Variants in LARGE1 observed in about 807,000 individuals in gnomAD.
The protein encoded by LARGE1 is LARGE xylosyl- and glucuronyltransferase 1.
In LARGE1, 43 loss-of-function variants were observed where a neutral mutation model predicts 87.6. That is an observed-to-expected ratio of 0.49 (90% CI 0.38 to 0.63). The LOEUF is 0.63. LARGE1 is among the 30% of genes least tolerant of loss of function. The pLI is 0.00. For missense variants in LARGE1, 802 were observed against 1,000.2 expected (o/e 0.80, Z 2.67); for synonymous variants, 434 against 394.6 (o/e 1.10, Z -1.18).
At chr22:33,772,556 G>A (rs2085103404) in intron 1 of LARGE1, among the ~76,000 whole-genome samples, 2 of 151,866 alleles carry the variant, frequency 1.3e-5, no homozygotes, top group Admixed American at 6.6e-5. Context: ...CTCTTTGCTG[G>A]ACTGCATCCT....
At chr22:33,079,569 G>C in the LARGE1 span, among the ~76,000 whole-genome samples, 1 of 151,874 alleles carries the variant, frequency 6.6e-6, no homozygotes, top group Non-Finnish European at 1.5e-5. Flanking sequence ...TATTATTTTT[G>C]ATGCCTATTA....
At chr22:33,335,877 A>G (rs80333150) in intron 10 of LARGE1, among the ~76,000 whole-genome samples, 2,296 of 152,302 alleles carry the variant, frequency 0.015, 58 homozygotes, top group African/African-American at 0.052. Context: ...ATATATTGCT[A>G]TGTAGCAGTT....
chr22:33,138,719 C>CA, the LARGE1 span, among the ~76,000 whole-genome samples: 1 of 152,282 alleles, frequency 6.6e-6, no homozygotes. Context: ...GCTGGGATTG[C>CA]AGGCACGAGC....
chr22:33,617,509 G>T (rs2079614803), intron 4 of LARGE1, among the ~76,000 whole-genome samples: 1 of 152,188 alleles, frequency 6.6e-6, no homozygotes, highest in South Asian at 2.1e-4. Context: ...CTCAATATAT[G>T]ATTCAAGGCT....
the LARGE1 span, among the ~76,000 whole-genome samples, chr22:33,151,661 G>C: frequency 6.6e-6 from 1 of 152,144 alleles, no homozygotes; most frequent in Non-Finnish European, 1.5e-5. Context: ...AGCAGGAGCT[G>C]AATTTTTTTG....
chr22:33,083,620 A>G, the LARGE1 span, among the ~76,000 whole-genome samples: 2 of 152,220 alleles, frequency 1.3e-5, no homozygotes, highest in Admixed American at 6.5e-5. Context: ...TATATCAGAT[A>G]GTGATCAGTG....
the LARGE1 span, among the ~76,000 whole-genome samples, chr22:33,104,812 C>G: frequency 8.0e-4 from 122 of 152,270 alleles, no homozygotes; most frequent in Middle Eastern, 0.01. Flanking sequence ...CCTACAGTTC[C>G]CAGTCTCAAA....
At chr22:33,525,021 G>C (rs2071811733) in intron 6 of LARGE1, among the ~76,000 whole-genome samples, 1 of 152,176 alleles carries the variant, frequency 6.6e-6, no homozygotes, top group South Asian at 2.1e-4. Flanking sequence ...AGGTCTTCTG[G>C]TTTAGGAAGG....
rs1038255460 is a variant in LARGE1 at position 33,289,368 on chromosome 22, G to C, written c.1731-6020C>G. Among the ~76,000 whole-genome samples the C allele has an allele frequency of 3.9e-5, 6 of 152,176 alleles. 1 individual carries two copies. Among genetic ancestry groups the C allele is most frequent in the African/African-American group, 1.4e-4 (6 of 41,450 alleles). ...CCAGACAGCAGCAGCTTCCAAACCT[G>C]ACTGCTCCTCTCTCTCCTGACTTCA... is the stretch of plus-strand genomic sequence containing the variant. On this transcript the variant is annotated intron_variant, in intron 12 of 14. Transcript: ENST00000397394.
intron 11 of LARGE1, among the ~76,000 whole-genome samples, chr22:33,206,776 A>G (rs1924709974): frequency 6.6e-6 from 1 of 152,224 alleles, no homozygotes; most frequent in Non-Finnish European, 1.5e-5. Context: ...TTTTTGAACA[A>G]TCATGTACTT....
At chr22:33,249,462 T>C (rs1926917043) in intron 11 of LARGE1, among the ~76,000 whole-genome samples, 1 of 152,236 alleles carries the variant, frequency 6.6e-6, no homozygotes, top group Non-Finnish European at 1.5e-5. Flanking sequence ...ATGTGTCTTT[T>C]GCAAATGTAT....
At chr22:33,882,801 C>G (rs974396760) in intron 1 of LARGE1, among the ~76,000 whole-genome samples, 2 of 152,136 alleles carry the variant, frequency 1.3e-5, no homozygotes, top group Non-Finnish European at 2.9e-5. Context: ...TGCCATTCTC[C>G]TACCTTTGCT....
chr22:33,769,669 A>G (rs1351889734), intron 1 of LARGE1, among the ~76,000 whole-genome samples: 2 of 152,058 alleles, frequency 1.3e-5, no homozygotes, highest in African/African-American at 4.8e-5. Flanking sequence ...TTTATGTTCA[A>G]CCTCCTTCCT....
At chr22:33,167,802 C>T (rs1198083565) in intron 11 of LARGE1, among the ~76,000 whole-genome samples, 1 of 152,168 alleles carries the variant, frequency 6.6e-6, no homozygotes, top group Non-Finnish European at 1.5e-5. Flanking sequence ...AGTACAGCAA[C>T]CTACAAGAAG....
At chr22:33,651,522 C>G (rs1053403837) in intron 2 of LARGE1, among the ~76,000 whole-genome samples, 4 of 152,088 alleles carry the variant, frequency 2.6e-5, no homozygotes, top group Non-Finnish European at 5.9e-5. Context: ...AACCTTCTTC[C>G]ATTTGCAGGC....
chr22:33,596,055 G>T (rs565068147), intron 5 of LARGE1, among the ~76,000 whole-genome samples: 1 of 152,304 alleles, frequency 6.6e-6, no homozygotes, highest in African/African-American at 2.4e-5. Flanking sequence ...ATGACCATTT[G>T]TATAGAATAT....
intron 2 of LARGE1, among the ~76,000 whole-genome samples, chr22:33,740,902 C>G (rs2083857756): frequency 6.6e-6 from 1 of 152,224 alleles, no homozygotes; most frequent in Non-Finnish European, 1.5e-5. Context: ...TCCCGACTCT[C>G]CAAATCCCAC....
At chr22:33,818,427 GGGAA>G (rs1166608869) in intron 1 of LARGE1, among the ~76,000 whole-genome samples, 19 of 152,198 alleles carry the variant, frequency 1.2e-4, no homozygotes, top group Non-Finnish European at 7.4e-5. Flanking sequence ...TATAGGACAG[GGGAA>G]GGAAGGAAGA....
chr22:33,204,480 A>G (rs1223268255), intron 11 of LARGE1, among the ~76,000 whole-genome samples: 8 of 152,132 alleles, frequency 5.3e-5, no homozygotes, highest in Admixed American at 5.2e-4. Flanking sequence ...CCCAATCTCA[A>G]TATCTTCAAG....
Sources: gnomAD v4.1 joint callset for allele counts (sites outside exome capture counted in the v4.1 genomes callset) on GRCh38, gnomAD v4.1.1 for gene constraint, MANE v1.5 for transcripts, NCBI Gene and HGNC (gene_info 2026-07-23, HGNC 2026-07-21) for gene names.